The following PKIB variants were observed in gnomAD, a reference collection of about 807,000 sequenced individuals.
The protein encoded by PKIB is PKI-beta.
A neutral mutation model predicts 4.5 loss-of-function variants in PKIB; 2 were observed. The observed-to-expected ratio is 0.44, with a 90% CI of 0.18 to 1.39. The LOEUF is 1.39. PKIB is among the 40% of genes most tolerant of loss of function. The probability of loss-of-function intolerance (pLI) is 0.27; values close to 1 mark genes in which losing one functional copy is unlikely to be tolerated. For missense variants in PKIB, 94 were observed against 92.6 expected, an observed-to-expected ratio of 1.02 and a Z score of -0.06; for synonymous variants, 38 against 36.0, an observed-to-expected ratio of 1.06 and a Z score of -0.20.
At chr6:122,472,153 T>G (rs186530394) in intron 1 of PKIB, 1 of 172,984 alleles carries the variant, frequency 5.8e-6, no homozygotes, top group East Asian at 1.7e-4. Flanking sequence ...GGAACCTCTC[T>G]GCTTTTTAGG....
chr6:122,472,676 G>A (rs1440059023), intron 1 of PKIB, among the ~76,000 whole-genome samples: 1 of 152,184 alleles, frequency 6.6e-6, no homozygotes, highest in South Asian at 2.1e-4. Flanking sequence ...ATGGGTCGAG[G>A]TGGGGTAAAC....
At chr6:122,539,724 T>A (rs531617732) in intron 2 of PKIB, among the ~76,000 whole-genome samples, 1 of 151,816 alleles carries the variant, frequency 6.6e-6, no homozygotes, top group South Asian at 2.1e-4. Context: ...TTCCCTCTTT[T>A]TCTATTGATT....
intron 3 of PKIB, among the ~76,000 whole-genome samples, chr6:122,689,374 T>C (rs1778233545): frequency 1.3e-5 from 2 of 152,192 alleles, no homozygotes; most frequent in African/African-American, 4.8e-5. Context: ...TGAAATTTTA[T>C]TCTTTTTTGA....
intron 2 of PKIB, among the ~76,000 whole-genome samples, chr6:122,502,247 C>T (rs573001529): frequency 6.6e-6 from 1 of 152,122 alleles, no homozygotes; most frequent in Middle Eastern, 3.4e-3. Context: ...CCAATTTCTG[C>T]CCATTACATA....
intron 2 of PKIB, among the ~76,000 whole-genome samples, chr6:122,642,447 G>A (rs951570347): frequency 2.6e-5 from 4 of 152,172 alleles, no homozygotes; most frequent in African/African-American, 7.2e-5. Context: ...GAGACACCTC[G>A]TTAGAAAAAT....
At chr6:122,706,916 A>C (rs1779082857) in intron 3 of PKIB, among the ~76,000 whole-genome samples, 1 of 152,144 alleles carries the variant, frequency 6.6e-6, no homozygotes, top group Non-Finnish European at 1.5e-5. Context: ...AATGTATTTT[A>C]AAACTAATAT....
intron 2 of PKIB, among the ~76,000 whole-genome samples, chr6:122,488,277 G>A (rs913704832): frequency 1.1e-4 from 17 of 151,708 alleles, no homozygotes; most frequent in African/African-American, 4.1e-4. Flanking sequence ...TCTCCTTATA[G>A]ATTTCTGTTT....
intron 3 of PKIB, among the ~76,000 whole-genome samples, chr6:122,684,519 G>C (rs1562300473): frequency 6.6e-6 from 1 of 151,938 alleles, no homozygotes; most frequent in Non-Finnish European, 1.5e-5. Flanking sequence ...ATGTCCACTA[G>C]TAATCTGATG....
chr6:122,539,217 T>C (rs1174399330), intron 2 of PKIB, among the ~76,000 whole-genome samples: 1 of 152,056 alleles, frequency 6.6e-6, no homozygotes, highest in Non-Finnish European at 1.5e-5. Flanking sequence ...TCCAACACTA[T>C]GTTGAATAGG....
chr6:122,612,585 A>C (rs1481117620), intron 1 of PKIB, among the ~76,000 whole-genome samples: 1 of 152,096 alleles, frequency 6.6e-6, no homozygotes, highest in African/African-American at 2.4e-5. Flanking sequence ...TACTTAGCAT[A>C]ATGTTTTTGG....
At chr6:122,519,424 C>T (rs1427200690) in intron 2 of PKIB, among the ~76,000 whole-genome samples, 1 of 152,096 alleles carries the variant, frequency 6.6e-6, no homozygotes, top group African/African-American at 2.4e-5. Flanking sequence ...ATGTAATGCA[C>T]TTGCATCATC....
intron 1 of PKIB, among the ~76,000 whole-genome samples, chr6:122,627,784 A>T (rs1378354563): frequency 1.3e-5 from 2 of 152,188 alleles, no homozygotes; most frequent in Non-Finnish European, 2.9e-5. Context: ...TAACATAGAC[A>T]CTTTCATGGT....
Position 122,594,766 on chromosome 6 carries a change from T to C in PKIB, c.-161+8759T>C, listed in dbSNP as rs185924651. The stretch of plus-strand genomic sequence containing the variant: ...GGACCATTTGTAGTCCTGCCTGGAT[T>C]GGGCTGTTGTAGTTTCCCATTGACC... On this transcript the variant is annotated intron_variant, in intron 3 of 6. Transcript: ENST00000392491. Among the ~76,000 whole-genome samples, 21 of 152,318 alleles carry C rather than the reference T, an allele frequency of 1.4e-4. No homozygotes were observed. In the East Asian group the frequency reaches 3.9e-3, roughly 28 times the overall value.
intron 2 of PKIB, among the ~76,000 whole-genome samples, chr6:122,664,990 C>T (rs1281063722): frequency 6.6e-6 from 1 of 152,174 alleles, no homozygotes; most frequent in Non-Finnish European, 1.5e-5. Flanking sequence ...CTTCCTTGGA[C>T]TAGAGTGAAT....
chr6:122,604,845 G>A (rs945386416), intron 3 of PKIB, among the ~76,000 whole-genome samples: 6 of 152,146 alleles, frequency 3.9e-5, no homozygotes, highest in African/African-American at 1.2e-4. Flanking sequence ...GATCAGGAGT[G>A]GGGAGAGACA....
At chr6:122,529,838 C>CT (rs1160172431) in intron 2 of PKIB, among the ~76,000 whole-genome samples, 1 of 152,062 alleles carries the variant, frequency 6.6e-6, no homozygotes. Context: ...TGATGAATCT[C>CT]TTTTTTCCTT....
chr6:122,575,443 A>G (rs1335043719), intron 2 of PKIB, among the ~76,000 whole-genome samples: 1 of 152,058 alleles, frequency 6.6e-6, no homozygotes, highest in East Asian at 1.9e-4. Flanking sequence ...GTAAGTCATT[A>G]TATGAAAAAA....
At chr6:122,659,244 A>G (rs1776892138) in intron 2 of PKIB, among the ~76,000 whole-genome samples, 1 of 152,182 alleles carries the variant, frequency 6.6e-6, no homozygotes, top group Admixed American at 6.5e-5. Flanking sequence ...TATAAAATAA[A>G]CTTGAATGTA....
At chr6:122,537,408 C>A (rs1467812478) in intron 2 of PKIB, among the ~76,000 whole-genome samples, 1 of 151,920 alleles carries the variant, frequency 6.6e-6, no homozygotes, top group Non-Finnish European at 1.5e-5. Flanking sequence ...TGAGTGAGAA[C>A]ATGCGGTTTT....
Sources: allele counts gnomAD v4.1 joint callset (sites outside exome capture counted in the v4.1 genomes callset), GRCh38; gene constraint gnomAD v4.1.1; transcripts MANE v1.5; gene names NCBI Gene and HGNC (gene_info 2026-07-23, HGNC 2026-07-21).